TLE3: variants seen among roughly 807,000 people sequenced by gnomAD.
TLE3 encodes TLE family member 3, transcriptional corepressor, also known as transducin-like enhancer protein 3.
A neutral mutation model predicts 93.0 loss-of-function variants in TLE3; 14 were observed. The ratio of observed to expected loss-of-function variants is 0.15; its 90% CI spans 0.10 to 0.24. The LOEUF is 0.24. Ranked by LOEUF, TLE3 falls within the 10% of genes least tolerant of loss-of-function variation. The pLI is 1.00. For missense variants in TLE3, 693 were observed against 1,046.6 expected (o/e 0.66, Z 4.66); for synonymous variants, 451 against 425.0 (o/e 1.06, Z -0.75).
At chr15:70,053,637 A>C (rs371521487) in intron 16 of TLE3, 7 of 322,154 alleles carry the variant, frequency 2.2e-5, no homozygotes, top group East Asian at 1.1e-4. Context: ...ACCTTGCACT[A>C]GCCTTCTGAG....
chr15:70,076,731 C>G (rs907390085), intron 4 of TLE3, among the ~76,000 whole-genome samples: 6 of 151,328 alleles, frequency 4.0e-5, no homozygotes, highest in Non-Finnish European at 7.4e-5. Flanking sequence ...CTTTTTTTTT[C>G]TTTCCCATTA....
At chr15:70,060,305 C>T (rs907140552) in intron 9 of TLE3, among the ~76,000 whole-genome samples, 3 of 152,170 alleles carry the variant, frequency 2.0e-5, no homozygotes, top group Non-Finnish European at 4.4e-5. Flanking sequence ...GACGACCTCC[C>T]CATCCACCTC....
chr15:70,095,841 C>T, intron 2 of TLE3, 200 bp from the exon 3 acceptor site: 1 of 673,660 alleles, frequency 1.5e-6, no homozygotes, highest in East Asian at 2.8e-5. Context: ...CGAAACTTCC[C>T]GCGAGCCAAA....
rs1313332786 is a variant in TLE3 at position 70,058,762 on chromosome 15, C to T, written c.819G>A (p.Leu273=). 1.2e-6 allele frequency: 2 copies of T among 1,609,672 alleles called. No homozygotes were observed. The highest frequency in any genetic ancestry group is 3.4e-5 in the Admixed American group (2 of 59,258). ...CTTTTTTCAGGCTACGGGCCTTGTC[C>T]AGCCCATTTTCAGGAGGGGAGTGTG... ...SPAHSPPENG[L]DKARSLKKDA... The change falls in exon 11 of 20, where the codon CTG becomes CTA. Residue 273 remains leucine, a synonymous_variant. Transcript: ENST00000451782. The surrounding 1 kb of genome is among the most constrained non-coding windows in gnomAD (Gnocchi z 4.1).
chr15:70,073,995 G>C (rs1428539058), intron 6 of TLE3, among the ~76,000 whole-genome samples: 1 of 152,246 alleles, frequency 6.6e-6, no homozygotes, highest in African/African-American at 2.4e-5. Flanking sequence ...TCCCCAGCTG[G>C]AGTTCACAAG....
rs750737316 is a variant in TLE3, at chr15:70,060,743, CA to C, written c.595-95del. The C allele has an allele frequency of 1.9e-6, 3 of 1,566,314 alleles. No homozygotes were observed. The South Asian group carries it at 3.4e-5, about 18-fold the overall frequency. On this transcript the variant is annotated intron_variant, in intron 8 of 19. Transcript: ENST00000451782. The stretch of plus-strand genomic sequence containing the variant: ...AGCTAAGTGCAGGTGACACGGAGGT[CA>C]GGGGAGGGAAGAGAAGCTGAACTCC...
chr15:70,079,817 G>A (rs950099155), intron 4 of TLE3, among the ~76,000 whole-genome samples: 4 of 151,964 alleles, frequency 2.6e-5, no homozygotes, highest in South Asian at 2.1e-4. Context: ...ATAACCCCGC[G>A]GAGAAGGCGC....
chr15:70,081,624 C>T (rs1039711573), intron 4 of TLE3, among the ~76,000 whole-genome samples: 10 of 152,342 alleles, frequency 6.6e-5, no homozygotes, highest in East Asian at 1.9e-4. Context: ...TTGCATTCAG[C>T]GGGAAGTAAT....
rs935558252 is a variant in TLE3 at position 70,072,648 on chromosome 15, A to G, written c.372+1885T>C. Among the ~76,000 whole-genome samples, 4 of 152,194 alleles carry G rather than the reference A, an allele frequency of 2.6e-5. 1 individual carries two copies. The highest frequency in any genetic ancestry group is 2.6e-4 in the Admixed American group (4 of 15,292). ...TGGCCTGGCTTTCCTCCTAAACATC[A>G]TAATCACTTCCCCTCTCTGTAAAAC... is the stretch of plus-strand genomic sequence containing the variant. On this transcript the variant is annotated intron_variant, in intron 6 of 19. Coordinates refer to ENST00000451782, the MANE Select transcript of TLE3 (RefSeq NM_001105192.3).
Position 70,057,474 on chromosome 15 carries a change from C to T in TLE3, c.1236G>A (p.Met412Ile), listed in dbSNP as rs1278049662. 6.2e-7 allele frequency: 1 copy of T among 1,604,744 alleles called. No individual in the cohort carries two copies. Residue 412 changes from methionine (M) to isoleucine (I), a missense_variant, in exon 13 of 20, where the codon ATG becomes ATA. By Grantham distance (10) the Met-to-Ile change is conservative. Transcript: ENST00000451782. The stretch of plus-strand genomic sequence containing the variant: ...GTCTACGTACAGCTCCAAAGCTCAC[C>T]ATTGGCGATCGGCCATAGGCAGCGG... ...AAAAAYGRSP[M>I]VSFGAVGFDP...
In TLE3 at chr15:70,097,891, C is replaced by T. The variant is rs1596057936; in HGVS notation, c.-1093G>A. On this transcript the variant is annotated 5_prime_UTR_variant, in exon 1 of 20. Coordinates refer to ENST00000451782, the MANE Select transcript of TLE3 (RefSeq NM_001105192.3). ...GGGGACGAGCACGAGGTCTGAACTG[C>T]CGCGAGAGCAGTTCCAAATAGGGAC... The T allele has an allele frequency of 3.4e-6, 1 of 290,278 alleles. No homozygotes were observed. The highest frequency in any genetic ancestry group is 6.4e-6 in the Non-Finnish European group (1 of 157,230). 18.0% of individuals were successfully genotyped at this position (290,278 alleles called of 1,614,324 possible). A position where few individuals can be genotyped will look rare whatever the true frequency, so the allele number is the denominator to read the frequency against.
intron 4 of TLE3, 98 bp downstream of exon 4, chr15:70,094,431 CGAA>C: frequency 1.1e-6 from 1 of 911,498 alleles, no homozygotes; most frequent in Non-Finnish European, 1.7e-6. Context: ...GGGGAGGAAT[CGAA>C]GAAGCAGGCT....
At chr15:70,074,503 G>A (rs376672650) in intron 6 of TLE3, 30 bp downstream of exon 6, 43 of 1,602,932 alleles carry the variant, frequency 2.7e-5, no homozygotes, top group Middle Eastern at 1.6e-4. Flanking sequence ...CTATACACAC[G>A]GTAAGAGGCA....
chr15:70,086,184 G>A (rs1437079608), intron 4 of TLE3, among the ~76,000 whole-genome samples: 1 of 152,154 alleles, frequency 6.6e-6, no homozygotes, highest in Non-Finnish European at 1.5e-5. Flanking sequence ...AAGGTTAATA[G>A]AAGTTCTTGT....
intron 1 of TLE3, 37 bp from the exon 2 acceptor site, chr15:70,096,298 G>C (rs751822427): frequency 7.1e-6 from 11 of 1,549,400 alleles, no homozygotes; most frequent in Admixed American, 3.9e-5. Flanking sequence ...GAGGGGGCGG[G>C]GGCATGAGAC....
At chr15:70,069,905 G>T (rs539924805) in intron 6 of TLE3, among the ~76,000 whole-genome samples, 1 of 152,268 alleles carries the variant, frequency 6.6e-6, no homozygotes, top group East Asian at 1.9e-4. Context: ...CCTGCAACAC[G>T]TCTGCTGGCT....
intron 17 of TLE3, 94 bp downstream of exon 17, chr15:70,053,133 T>G: frequency 1.4e-6 from 2 of 1,479,838 alleles, no homozygotes; most frequent in Non-Finnish European, 1.8e-6. Context: ...GTGGCCACTC[T>G]GTGAGGGTCC....
chr15:70,094,199 A>G (rs1264456085), intron 4 of TLE3, among the ~76,000 whole-genome samples: 1 of 152,148 alleles, frequency 6.6e-6, no homozygotes, highest in Non-Finnish European at 1.5e-5. Flanking sequence ...TTTTACATTA[A>G]AACAGATAAA....
At chr15:70,063,126 A>G (rs1325184512) in intron 8 of TLE3, among the ~76,000 whole-genome samples, 1 of 152,196 alleles carries the variant, frequency 6.6e-6, no homozygotes, top group Admixed American at 6.5e-5. Flanking sequence ...GGTCTTCCGA[A>G]ACAAAGCTGA....
Sources: allele counts gnomAD v4.1 joint callset (sites outside exome capture counted in the v4.1 genomes callset), GRCh38; gene constraint gnomAD v4.1.1; non-coding constraint Gnocchi (gnomAD v3.1); transcripts MANE v1.5; gene names NCBI Gene and HGNC (gene_info 2026-07-23, HGNC 2026-07-21).